TEX36: variants seen among roughly 807,000 people sequenced by gnomAD.
The protein encoded by TEX36 is testis expressed 36.
Under a neutral mutation model 13.6 loss-of-function variants are expected in TEX36, and 12 were observed. The ratio of observed to expected loss-of-function variants is 0.88; its 90% CI spans 0.56 to 1.43. The LOEUF is 1.43. TEX36 is among the 40% of genes most tolerant of loss of function. The pLI is 0.00. For synonymous variants in TEX36, 93 were observed against 83.0 expected, an observed-to-expected ratio of 1.12 and a Z score of -0.65; for missense variants, 224 against 228.3, an observed-to-expected ratio of 0.98 and a Z score of 0.12.
rs193010870 is a variant in TEX36 at position 125,661,126 on chromosome 10, A to G, written c.184-25T>C. 2.0e-4 allele frequency: 308 copies of G among 1,533,254 alleles called. 4 individuals are homozygous for G. In the African/African-American group the frequency reaches 3.9e-3, roughly 20 times the overall value. The allele number at this position is 1,533,254 out of a possible 1,614,324, so 95.0% of individuals were successfully genotyped here. On this transcript the variant is annotated intron_variant, in intron 2 of 3. Coordinates refer to ENST00000368821, the MANE Select transcript of TEX36 (RefSeq NM_001128202.3). Reference sequence around the variant, plus strand: ...GCTGGAAAAGTGGGATGGAAGGGAAAGAGCACACATTAGAACCCTGCATGC... The same window carrying G: ...GCTGGAAAAGTGGGATGGAAGGGAAGGAGCACACATTAGAACCCTGCATGC...
At chr10:125,585,543 A>G (rs186645993) in intron 3 of TEX36, among the ~76,000 whole-genome samples, 1 of 152,340 alleles carries the variant, frequency 6.6e-6, no homozygotes, top group Non-Finnish European at 1.5e-5. Flanking sequence ...AAAGCTAGCC[A>G]TAAAATATGG....
chr10:125,583,241 T>C (rs1845904360), intron 3 of TEX36, among the ~76,000 whole-genome samples: 1 of 151,848 alleles, frequency 6.6e-6, no homozygotes, highest in Admixed American at 6.6e-5. Flanking sequence ...TTAGTTCATT[T>C]GTGCTGCCAT....
At chr10:125,660,749 G>A (rs1259847075) in intron 3 of TEX36, among the ~76,000 whole-genome samples, 1 of 152,310 alleles carries the variant, frequency 6.6e-6, no homozygotes, top group Non-Finnish European at 1.5e-5. Flanking sequence ...AAGAAAGCTC[G>A]CAAAAGAGAC....
chr10:125,606,521 G>T (rs1366857293), intron 3 of TEX36, among the ~76,000 whole-genome samples: 2 of 152,136 alleles, frequency 1.3e-5, no homozygotes, highest in African/African-American at 2.4e-5. Flanking sequence ...GGCTGGGATG[G>T]CTACCACGGT....
At chr10:125,611,051 T>C (rs1274584136) in intron 3 of TEX36, among the ~76,000 whole-genome samples, 1 of 152,220 alleles carries the variant, frequency 6.6e-6, no homozygotes, top group Non-Finnish European at 1.5e-5. Context: ...TCGTATATTG[T>C]GAACATTTTT....
chr10:125,601,334 G>A (rs1233096352), intron 3 of TEX36, among the ~76,000 whole-genome samples: 1 of 152,216 alleles, frequency 6.6e-6, no homozygotes, highest in East Asian at 1.9e-4. Flanking sequence ...TGCCCAAGAG[G>A]CATAGCCAGG....
intron 3 of TEX36, among the ~76,000 whole-genome samples, chr10:125,590,694 G>A (rs188211707): frequency 9.9e-5 from 15 of 152,122 alleles, no homozygotes; most frequent in South Asian, 6.2e-4. Context: ...TTATGAAAAC[G>A]CATTGGAAAA....
At chr10:125,625,382 G>C (rs1846474787) in intron 3 of TEX36, among the ~76,000 whole-genome samples, 1 of 152,238 alleles carries the variant, frequency 6.6e-6, no homozygotes, top group African/African-American at 2.4e-5. Context: ...GGCCATTAAA[G>C]GGTTTGAGTA....
At chr10:125,682,898 C>T (rs952153759) in intron 1 of TEX36, 41 bp downstream of exon 1, 58 of 1,550,180 alleles carry the variant, frequency 3.7e-5, no homozygotes, top group Non-Finnish European at 4.3e-5. Flanking sequence ...ACCACACCCA[C>T]GTGGCATGAG....
chr10:125,635,855 A>G (rs749924863), intron 3 of TEX36, among the ~76,000 whole-genome samples: 5 of 151,894 alleles, frequency 3.3e-5, no homozygotes, highest in Non-Finnish European at 5.9e-5. Flanking sequence ...GTGATTGGGC[A>G]GCCTGAATTT....
At chr10:125,625,141 C>T (rs895190872) in intron 3 of TEX36, among the ~76,000 whole-genome samples, 1 of 152,228 alleles carries the variant, frequency 6.6e-6, no homozygotes, top group Non-Finnish European at 1.5e-5. Context: ...CATCACTCAG[C>T]TTTTCTCAGG....
downstream of TEX36, among the ~76,000 whole-genome samples, chr10:125,620,885 G>A (rs1367369671): frequency 2.0e-5 from 3 of 152,132 alleles, no homozygotes; most frequent in Non-Finnish European, 2.9e-5. Flanking sequence ...TAGCATGTGT[G>A]TTTTTGTGGC....
chr10:125,646,153 C>A (rs1344416861), intron 3 of TEX36, among the ~76,000 whole-genome samples: 1 of 152,050 alleles, frequency 6.6e-6, no homozygotes, highest in Non-Finnish European at 1.5e-5. Flanking sequence ...CATGGTGAAA[C>A]CCTGTCTCCA....
chr10:125,602,172 G>T (rs1846157474), intron 3 of TEX36, among the ~76,000 whole-genome samples: 1 of 152,128 alleles, frequency 6.6e-6, no homozygotes, highest in Admixed American at 6.5e-5. Context: ...GAAGGAGGGG[G>T]CTCAACTGTG....
At chr10:125,677,229 C>G (rs1266875583) in intron 1 of TEX36, among the ~76,000 whole-genome samples, 1 of 152,082 alleles carries the variant, frequency 6.6e-6, no homozygotes, top group Non-Finnish European at 1.5e-5. Flanking sequence ...TTTCTTGTAC[C>G]AGAATGTCTA....
At chr10:125,627,473 G>GA (rs879607617) in intron 3 of TEX36, among the ~76,000 whole-genome samples, 144 of 151,144 alleles carry the variant, frequency 9.5e-4, no homozygotes, top group Non-Finnish European at 1.6e-3. Flanking sequence ...AAGTCATTCA[G>GA]AAAAAAAAAT....
At chr10:125,587,048 G>C in intron 3 of TEX36, among the ~76,000 whole-genome samples, 1 of 152,156 alleles carries the variant, frequency 6.6e-6, no homozygotes, top group Non-Finnish European at 1.5e-5. Flanking sequence ...ATGTAGACGT[G>C]CCTACTTCCT....
At chr10:125,661,793 C>A in intron 2 of TEX36, 53 bp downstream of exon 2, 4 of 1,538,972 alleles carry the variant, frequency 2.6e-6, no homozygotes, top group Non-Finnish European at 3.5e-6. Context: ...AGCGGCGCTG[C>A]CCCCTGGGAG....
chr10:125,598,134 T>C (rs1427031080), intron 3 of TEX36, among the ~76,000 whole-genome samples: 3 of 152,154 alleles, frequency 2.0e-5, no homozygotes, highest in Admixed American at 2.0e-4. Context: ...AATATGATTC[T>C]AGCCTCATGT....
Sources: allele counts gnomAD v4.1 joint callset (sites outside exome capture counted in the v4.1 genomes callset), GRCh38; gene constraint gnomAD v4.1.1; transcripts MANE v1.5; gene names NCBI Gene and HGNC (gene_info 2026-07-23, HGNC 2026-07-21).